The following ETV3 variants were observed in gnomAD, a reference collection of about 807,000 sequenced individuals.
ETV3 encodes ETS variant transcription factor 3.
A neutral mutation model predicts 33.0 loss-of-function variants in ETV3; 8 were observed. The ratio of observed to expected loss-of-function variants is 0.24; its 90% CI spans 0.14 to 0.44. ETV3 has a LOEUF of 0.44. Ranked by LOEUF, ETV3 falls within the 20% of genes least tolerant of loss-of-function variation. The pLI is 1.00. For synonymous variants in ETV3, 222 were observed against 238.9 expected, an observed-to-expected ratio of 0.93 and a Z score of 0.65; for missense variants, 473 against 652.3, an observed-to-expected ratio of 0.73 and a Z score of 2.99.
At chr1:157,134,673 A>ATG (rs1376591495) in intron 3 of ETV3, among the ~76,000 whole-genome samples, 1 of 152,254 alleles carries the variant, frequency 6.6e-6, no homozygotes, top group Non-Finnish European at 1.5e-5. Context: ...AGACAAAGGA[A>ATG]TGTACAACTG....
chr1:157,136,292 T>C lies in ETV3; in HGVS notation c.46+15A>G. On this transcript the variant is annotated intron_variant, in intron 2 of 4. Transcript: ENST00000368192. ...AAGCTTCCAGGTACATCAGAGATGA[T>C]TAACTTCTGCTCACCTCCACCTCCT... The C allele has an allele frequency of 6.2e-7, 1 of 1,612,236 alleles. No homozygotes were observed. The highest frequency in any genetic ancestry group is 8.5e-7 in the Non-Finnish European group (1 of 1,178,946).
At chr1:157,137,524 A>G (rs1371865192) in intron 1 of ETV3, among the ~76,000 whole-genome samples, 3 of 150,926 alleles carry the variant, frequency 2.0e-5, no homozygotes, top group Non-Finnish European at 2.9e-5. Flanking sequence ...ACACACACAC[A>G]CACACACACA....
chr1:157,125,762 C>G lies in ETV3; in HGVS notation c.618G>C (p.Val206=). 6.4e-7 allele frequency: 1 copy of G among 1,551,410 alleles called. No homozygotes were observed. The highest frequency in any genetic ancestry group is 8.7e-7 in the Non-Finnish European group (1 of 1,146,894). ...TGGCATTCCTGGAGGACACGGGATC[C>G]ACACCCCGGCGCCAGTCAGCAGCTG... ...DGSAADWRRG[V]DPVSSRNAIG... Residue 206 remains valine (V), a synonymous_variant, in exon 5 of 5, where the codon GTG becomes GTC. Coordinates refer to ENST00000368192, the MANE Select transcript of ETV3 (RefSeq NM_001145312.3). The surrounding 1 kb of genome is among the most constrained non-coding windows in gnomAD (Gnocchi z 4.0).
intron 1 of ETV3, among the ~76,000 whole-genome samples, chr1:157,136,961 C>T (rs1675127420): frequency 6.6e-6 from 1 of 152,226 alleles, no homozygotes; most frequent in Non-Finnish European, 1.5e-5. Context: ...GAAGTAAACA[C>T]ACCATATGTA....
At chr1:157,133,584 T>C (rs1486336967) in intron 4 of ETV3, 2 of 986,552 alleles carry the variant, frequency 2.0e-6, no homozygotes, top group East Asian at 1.1e-4. Flanking sequence ...CCCCAGAATC[T>C]TTTTCTCTGA....
intron 4 of ETV3, 118 bp from the exon 5 acceptor site, chr1:157,126,097 C>A: frequency 3.3e-6 from 3 of 918,364 alleles, no homozygotes; most frequent in Non-Finnish European, 4.8e-6. Flanking sequence ...TCCAACTGGA[C>A]TGAATCCCAC....
chr1:157,137,185 T>A (rs1485103910), intron 1 of ETV3, among the ~76,000 whole-genome samples: 1 of 152,088 alleles, frequency 6.6e-6, no homozygotes, highest in Non-Finnish European at 1.5e-5. Flanking sequence ...AGGAGCTTTG[T>A]GTTAATCACT....
rs1367053054 is a variant in ETV3, at chr1:157,125,092, G to T, written c.1288C>A (p.Pro430Thr). 1 of 1,545,700 alleles carries T rather than the reference G, an allele frequency of 6.5e-7. No individual in the cohort carries two copies. Among genetic ancestry groups the T allele is most frequent in the Non-Finnish European group, 8.7e-7 (1 of 1,143,712 alleles). The part of the protein sequence containing the change: ...GTIFARPAAP[P>T]IWPSVPISTP... ...CTAATGGGCACAGAGGGCCAGATGG[G>T]TGGTGCAGCAGGACGGGCAAAGATG... The change falls in exon 5 of 5, where the codon CCC becomes ACC. Residue 430 changes from proline (P) to threonine (T), a missense_variant. Coordinates refer to ENST00000368192, the MANE Select transcript of ETV3 (RefSeq NM_001145312.3). The surrounding 1 kb of genome is among the most constrained non-coding windows in gnomAD (Gnocchi z 4.0).
At chr1:157,135,998 T>C (rs3737269) in intron 2 of ETV3, among the ~76,000 whole-genome samples, 21,960 of 152,176 alleles carry the variant, frequency 0.14, 1,681 homozygotes, top group South Asian at 0.21. Context: ...GACATAAAAG[T>C]GCTAAAGGGA....
At chr1:157,133,026 C>G (rs898419858) in intron 4 of ETV3, 1 of 152,194 alleles carries the variant, frequency 6.6e-6, no homozygotes, top group Admixed American at 6.5e-5. Context: ...TACTGATGGA[C>G]TGGTCAGAAA....
intron 3 of ETV3, among the ~76,000 whole-genome samples, chr1:157,134,458 C>G (rs568435783): frequency 6.6e-6 from 1 of 152,354 alleles, no homozygotes; most frequent in Admixed American, 6.5e-5. Context: ...AAGACAACTT[C>G]ACTTTAAGAT....
chr1:157,135,915 A>G (rs1333912961), intron 2 of ETV3, among the ~76,000 whole-genome samples: 2 of 152,228 alleles, frequency 1.3e-5, no homozygotes, highest in Non-Finnish European at 2.9e-5. Flanking sequence ...ATCTGATAAG[A>G]GTTGGGCAGC....
intron 1 of ETV3, among the ~76,000 whole-genome samples, chr1:157,137,485 C>T (rs1017894106): frequency 6.9e-6 from 1 of 145,750 alleles, no homozygotes; most frequent in Non-Finnish European, 1.5e-5. Context: ...ATAAACACCC[C>T]AAAGGAAGGA....
At chr1:157,134,464 A>G (rs1001906114) in intron 3 of ETV3, among the ~76,000 whole-genome samples, 5 of 152,244 alleles carry the variant, frequency 3.3e-5, no homozygotes, top group Non-Finnish European at 7.3e-5. Flanking sequence ...ACTTCACTTT[A>G]AGATTCTGAA....
Position 157,134,255 on chromosome 1 carries a change from C to T in ETV3, c.285-28G>A, listed in dbSNP as rs780874277. Reference sequence around the variant, plus strand: ...GTAAAAACAGGAATACATGTCCATTCGTCTTGTAGCTACTGACAGCTTTCA... The same window carrying T: ...GTAAAAACAGGAATACATGTCCATTTGTCTTGTAGCTACTGACAGCTTTCA... On this transcript the variant is annotated intron_variant, in intron 3 of 4. Coordinates refer to ENST00000368192, the MANE Select transcript of ETV3 (RefSeq NM_001145312.3). 9.3e-6 allele frequency: 15 copies of T among 1,604,332 alleles called. No homozygotes were observed. The South Asian group carries it at 1.1e-4, about 12-fold the overall frequency.
intron 4 of ETV3, among the ~76,000 whole-genome samples, chr1:157,129,852 G>T (rs961729110): frequency 5.4e-5 from 8 of 147,680 alleles, no homozygotes; most frequent in African/African-American, 1.7e-4. Flanking sequence ...GTTTTGTTTT[G>T]TTTTTTTTTT....
rs969206384 is a variant in ETV3, at chr1:157,125,707, G to A, written c.673C>T (p.Arg225Cys). 9.0e-6 allele frequency: 14 copies of A among 1,551,554 alleles called. No individual in the cohort carries two copies. The highest frequency in any genetic ancestry group is 1.2e-5 in the South Asian group (1 of 84,070). ...AGAGGAAGCATTATGTCAGGCTTGC[G>A]TTTCTGATGGCCAATCCCTCCTCCA... ...IGGGGIGHQK[R>C]KPDIMLPLFA... The change falls in exon 5 of 5, where the codon CGC becomes TGC. Residue 225 changes from arginine to cysteine, a missense_variant. Transcript: ENST00000368192. The surrounding 1 kb of genome is among the most constrained non-coding windows in gnomAD (Gnocchi z 4.0).
chr1:157,127,402 T>C (rs1363581766), intron 4 of ETV3, among the ~76,000 whole-genome samples: 1 of 152,228 alleles, frequency 6.6e-6, no homozygotes, highest in African/African-American at 2.4e-5. Context: ...CAAATTCTAC[T>C]GAATGATCTC....
intron 4 of ETV3, chr1:157,133,450 A>T: frequency 1.0e-6 from 1 of 985,676 alleles, no homozygotes; most frequent in Non-Finnish European, 1.2e-6. Context: ...ACACAACAAC[A>T]AAGTCTTTTG....
Sources: gnomAD v4.1 joint callset for allele counts (sites outside exome capture counted in the v4.1 genomes callset) on GRCh38, gnomAD v4.1.1 for gene constraint, Gnocchi (gnomAD v3.1) non-coding constraint, MANE v1.5 for transcripts, NCBI Gene and HGNC (gene_info 2026-07-23, HGNC 2026-07-21) for gene names.